CLEC19A: variants seen among roughly 807,000 people sequenced by gnomAD.
CLEC19A encodes the protein C-type lectin domain containing 19A.
A neutral mutation model predicts 26.1 loss-of-function variants in CLEC19A; 21 were observed. The observed-to-expected ratio is 0.80, with a 90% confidence interval of 0.57 to 1.16. The LOEUF is 1.16. Ranked by LOEUF, CLEC19A falls within the 50% of genes most tolerant of loss-of-function variation. The probability of loss-of-function intolerance (pLI) is 0.00; values close to 1 mark genes in which losing one functional copy is unlikely to be tolerated. For synonymous variants in CLEC19A, 89 were observed against 88.6 expected (o/e 1.00, Z -0.03); for missense variants, 224 against 227.6 (o/e 0.98, Z 0.10).
Position 19,309,084 on chromosome 16 carries a change from T to C in CLEC19A, c.*1T>C, listed in dbSNP as rs1258178719. On this transcript the variant is annotated 3_prime_UTR_variant, in exon 5 of 5. Coordinates refer to ENST00000636231, the MANE Select transcript of CLEC19A (RefSeq NM_001256720.2). Reference sequence around the variant, plus strand: ...AATCCCATCTCTGACCATTCATTGATCCTGTCTTGTCCTACTGGTGTGAGC... The same window carrying C: ...AATCCCATCTCTGACCATTCATTGACCCTGTCTTGTCCTACTGGTGTGAGC... 1.3e-6 allele frequency: 2 copies of C among 1,546,940 alleles called. No individual in the cohort carries two copies. Among genetic ancestry groups the C allele is most frequent in the Non-Finnish European group, 1.7e-6 (2 of 1,145,616 alleles).
chr16:19,303,891 A>T (rs1424877548), intron 2 of CLEC19A, 171 bp from the exon 3 acceptor site: 6 of 571,914 alleles, frequency 1.0e-5, no homozygotes, highest in Non-Finnish European at 1.9e-5. Context: ...AGAGATGCCC[A>T]TGTAGGACCG....
At chr16:19,308,788 G>C (rs1898007917) in intron 4 of CLEC19A, among the ~76,000 whole-genome samples, 1 of 152,200 alleles carries the variant, frequency 6.6e-6, no homozygotes, top group South Asian at 2.1e-4. Flanking sequence ...CCAAGCCTCT[G>C]GCTGAAGTTC....
chr16:19,285,867 C>T lies in CLEC19A; in HGVS notation c.16C>T (p.Leu6=). Residue 6 remains leucine, a synonymous_variant, in exon 1 of 5, where the codon CTG becomes TTG. Coordinates refer to ENST00000636231, the MANE Select transcript of CLEC19A (RefSeq NM_001256720.2). MQRWT[L]WAAAFLTLHS... is the part of the protein sequence containing the mutation. ...GGAGCTCAGGATGCAAAGGTGGACACTGTGGGCTGCAGCCTTCCTGACCCT... is the reference window on the plus strand; with the variant it reads ...GGAGCTCAGGATGCAAAGGTGGACATTGTGGGCTGCAGCCTTCCTGACCCT... 6.4e-7 allele frequency: 1 copy of T among 1,550,564 alleles called. No individual in the cohort carries two copies. The highest frequency in any genetic ancestry group is 8.7e-7 in the Non-Finnish European group (1 of 1,146,990).
At position 19,307,524 on chromosome 16, in the gene CLEC19A, C is replaced by T. The variant is rs1384731157; in HGVS notation, c.349-21C>T. The T allele has an allele frequency of 1.9e-6, 3 of 1,547,274 alleles. No homozygotes were observed. The South Asian group carries it at 3.6e-5, about 18-fold the overall frequency. ...TTCTTCTTGGCTTGCTTCTTTGTCT[C>T]TTTGGGTGGAACCCTCCCAGGAAGG... is the stretch of plus-strand genomic sequence containing the variant. On this transcript the variant is annotated intron_variant, in intron 3 of 4. Coordinates refer to ENST00000636231, the MANE Select transcript of CLEC19A (RefSeq NM_001256720.2).
intron 1 of CLEC19A, among the ~76,000 whole-genome samples, chr16:19,291,852 A>G (rs1290281313): frequency 1.3e-5 from 2 of 152,200 alleles, no homozygotes; most frequent in Non-Finnish European, 2.9e-5. Context: ...AAAGGGGAGT[A>G]ATTGAGCAGT....
chr16:19,289,721 T>G (rs1897542166), intron 1 of CLEC19A, among the ~76,000 whole-genome samples: 1 of 152,244 alleles, frequency 6.6e-6, no homozygotes, highest in South Asian at 2.1e-4. Flanking sequence ...TTTCTGTGTT[T>G]CATGTGGCCT....
At chr16:19,292,790 A>C (rs78092089) in intron 1 of CLEC19A, among the ~76,000 whole-genome samples, 1 of 152,208 alleles carries the variant, frequency 6.6e-6, no homozygotes, top group Non-Finnish European at 1.5e-5. Flanking sequence ...AGGTCAGAAC[A>C]TGTCTTTGAG....
chr16:19,286,745 T>G (rs1897478410), intron 1 of CLEC19A, among the ~76,000 whole-genome samples: 1 of 152,180 alleles, frequency 6.6e-6, no homozygotes, highest in South Asian at 2.1e-4. Flanking sequence ...TTATTTATCA[T>G]AGCAGTGGCA....
chr16:19,285,903 C>T lies in CLEC19A; in HGVS notation c.52C>T (p.Gln18Ter). Reference sequence around the variant, plus strand: ...AGCCTTCCTGACCCTCCACTCTGCACAGGCCTTTCCACAAACAGACATCAG... The same window carrying T: ...AGCCTTCCTGACCCTCCACTCTGCATAGGCCTTTCCACAAACAGACATCAG... ...AAAFLTLHSAQAFPQTDISIS... is the reference protein window; with the variant it reads ...AAAFLTLHSA The change falls in exon 1 of 5, where the codon CAG becomes TAG. Residue 18 changes from glutamine (Q) to a stop codon, truncating the protein, a stop_gained. Coordinates refer to ENST00000636231, the MANE Select transcript of CLEC19A (RefSeq NM_001256720.2). LOFTEE classifies it high-confidence loss of function. The T allele has an allele frequency of 1.3e-6, 2 of 1,550,590 alleles. No individual in the cohort carries two copies. The highest frequency in any genetic ancestry group is 1.7e-6 in the Non-Finnish European group (2 of 1,146,998).
At chr16:19,287,648 T>G (rs776466936) in intron 1 of CLEC19A, among the ~76,000 whole-genome samples, 4 of 152,178 alleles carry the variant, frequency 2.6e-5, no homozygotes, top group Admixed American at 6.5e-5. Flanking sequence ...GGGCCAAGAC[T>G]GAGTTTGAAA....
At chr16:19,290,149 C>T (rs1272976915) in intron 1 of CLEC19A, among the ~76,000 whole-genome samples, 5 of 152,010 alleles carry the variant, frequency 3.3e-5, no homozygotes, top group African/African-American at 1.2e-4. Flanking sequence ...GGGGGGGAGC[C>T]CTGAGTTCCA....
chr16:19,294,492 C>T (rs1897662703), intron 1 of CLEC19A, among the ~76,000 whole-genome samples: 1 of 152,302 alleles, frequency 6.6e-6, no homozygotes, highest in East Asian at 1.9e-4. Flanking sequence ...AACTTGAACC[C>T]TTTCTTAGTG....
intron 4 of CLEC19A, among the ~76,000 whole-genome samples, chr16:19,307,984 T>C (rs1897993019): frequency 6.6e-6 from 1 of 152,170 alleles, no homozygotes; most frequent in South Asian, 2.1e-4. Flanking sequence ...CAAGGGGTGA[T>C]GCTTCCATGT....
At chr16:19,304,964 C>G (rs1897920197) in intron 3 of CLEC19A, 1 of 152,438 alleles carries the variant, frequency 6.6e-6, no homozygotes, top group African/African-American at 2.4e-5. Context: ...GAATCCTGCA[C>G]TGGGCAGAAT....
chr16:19,308,864 T>A lies in CLEC19A; in HGVS notation c.482-140T>A, dbSNP rs143986216. 4,845 of 645,840 alleles carry A rather than the reference T, an allele frequency of 7.5e-3. 27 individuals are homozygous for A. The highest frequency in any genetic ancestry group is 0.01 in the Non-Finnish European group (3,665 of 362,930). 40.0% of individuals were successfully genotyped at this position (645,840 alleles called of 1,614,324 possible). On this transcript the variant is annotated intron_variant, in intron 4 of 4. Coordinates refer to ENST00000636231, the MANE Select transcript of CLEC19A (RefSeq NM_001256720.2). Reference sequence around the variant, plus strand: ...CAAGAGTAAGGCTGGACAGCAGGCTTGTCAAGTATCAGCAAGAAAGGGCTG... The same window carrying A: ...CAAGAGTAAGGCTGGACAGCAGGCTAGTCAAGTATCAGCAAGAAAGGGCTG...
intron 1 of CLEC19A, among the ~76,000 whole-genome samples, chr16:19,288,076 C>G (rs1422687695): frequency 6.6e-6 from 1 of 152,182 alleles, no homozygotes; most frequent in Non-Finnish European, 1.5e-5. Context: ...TAAAGATCCA[C>G]TCAGCCCAAC....
chr16:19,300,276 C>T (rs933636387), intron 2 of CLEC19A, among the ~76,000 whole-genome samples: 10 of 151,640 alleles, frequency 6.6e-5, no homozygotes, highest in African/African-American at 2.2e-4. Flanking sequence ...GGGTCGGGTG[C>T]AGTGTCTCAT....
chr16:19,304,020 G>C, intron 2 of CLEC19A, 42 bp from the exon 3 acceptor site: 1 of 1,473,530 alleles, frequency 6.8e-7, no homozygotes, highest in Non-Finnish European at 9.2e-7. Context: ...CCTATGAAAA[G>C]AGGCCATGAG....
intron 2 of CLEC19A, chr16:19,303,771 A>G (rs1043049579): frequency 2.4e-5 from 7 of 293,506 alleles, no homozygotes; most frequent in Non-Finnish European, 3.9e-5. Context: ...TCTCTTCATC[A>G]TATCTTCAAT....
Sources: gnomAD v4.1 joint callset for allele counts (sites outside exome capture counted in the v4.1 genomes callset) on GRCh38, gnomAD v4.1.1 for gene constraint, MANE v1.5 for transcripts, NCBI Gene and HGNC (gene_info 2026-07-23, HGNC 2026-07-21) for gene names.